Variants in REL observed in about 807,000 individuals in gnomAD.
REL encodes proto-oncogene c-Rel.
A neutral mutation model predicts 45.9 loss-of-function variants in REL; 15 were observed. The ratio of observed to expected loss-of-function variants is 0.33; its 90% CI spans 0.22 to 0.50. The LOEUF is 0.50. Among genes scored for constraint, REL ranks in the 20% least tolerant of loss-of-function variants. The pLI is 0.98. For synonymous variants in REL, 239 were observed against 242.1 expected (o/e 0.99, Z 0.12); for missense variants, 601 against 715.2 (o/e 0.84, Z 1.82).
At chr2:60,917,716 ACGTG>A (rs1558817102) in intron 5 of REL, among the ~76,000 whole-genome samples, 21 of 91,060 alleles carry the variant, frequency 2.3e-4, no homozygotes, top group African/African-American at 7.1e-4. Context: ...GTGTGTGTGT[ACGTG>A]TGTGTGTGTG....
intron 1 of REL, among the ~76,000 whole-genome samples, chr2:60,884,815 T>C (rs1411948577): frequency 6.6e-6 from 1 of 152,198 alleles, no homozygotes; most frequent in Non-Finnish European, 1.5e-5. Flanking sequence ...ACCTCACTTC[T>C]TACCAACTAT....
intron 1 of REL, among the ~76,000 whole-genome samples, chr2:60,891,327 G>C (rs1436047631): frequency 6.6e-6 from 1 of 152,018 alleles, no homozygotes; most frequent in African/African-American, 2.4e-5. Context: ...TACCCTTCTT[G>C]GGGAATCTTG....
At chr2:60,905,598 G>T (rs1319308824) in intron 4 of REL, among the ~76,000 whole-genome samples, 1 of 152,144 alleles carries the variant, frequency 6.6e-6, no homozygotes, top group Non-Finnish European at 1.5e-5. Context: ...ACCAAAGTGT[G>T]TTAGCAGCCA....
Position 60,925,380 on chromosome 2 carries a change from C to T in REL, c.*2845C>T, listed in dbSNP as rs536195083. On this transcript the variant is annotated 3_prime_UTR_variant, in exon 10 of 10. Transcript: ENST00000394479. ...AGTGAGACTTGGGCTCAGGATGGTT[C>T]AGGAAGAAAAAAAAAGAAAGACCCC... 1.1e-5 allele frequency: 2 copies of T among 189,190 alleles called. No individual in the cohort carries two copies. Among genetic ancestry groups the T allele is most frequent in the East Asian group, 1.7e-4 (2 of 12,100 alleles). The allele number at this position is 189,190 out of a possible 1,614,324, so 11.7% of individuals were successfully genotyped here.
intron 3 of REL, among the ~76,000 whole-genome samples, chr2:60,896,112 C>A (rs1188542501): frequency 6.6e-6 from 1 of 151,890 alleles, no homozygotes; most frequent in Non-Finnish European, 1.5e-5. Flanking sequence ...AAGTGATTCT[C>A]CTGCCTCAGC....
rs765273895 is a variant in REL, at chr2:60,921,961, G to C, written c.1190G>C (p.Ser397Thr). ...TPRSGNTNPL[S>T]SFSTRTLPSN... ...CGCTCAGGCAATACAAACCCACTGA[G>C]TAGTTTTTCAACAAGGACACTTCCT... The change falls in exon 10 of 10, where the codon AGT becomes ACT. Residue 397 changes from serine to threonine, a missense_variant. This residue lies in a region of REL where 334 missense variants were observed against 333.1 expected (regional missense o/e 1.00). Transcript: ENST00000394479. The C allele has an allele frequency of 6.2e-7, 1 of 1,614,126 alleles. No individual in the cohort carries two copies. The highest frequency in any genetic ancestry group is 8.5e-7 in the Non-Finnish European group (1 of 1,180,034).
chr2:60,912,435 T>TA (rs1438344942), intron 4 of REL, among the ~76,000 whole-genome samples: 1 of 152,196 alleles, frequency 6.6e-6, no homozygotes, highest in African/African-American at 2.4e-5. Flanking sequence ...TAGCCTATGG[T>TA]AAAATTGGTT....
Position 60,922,899 on chromosome 2 carries a change from C to CCGGG in REL, c.*364_*365insCGGG. 1 of 194,886 alleles carries CCGGG rather than the reference C, an allele frequency of 5.1e-6. No homozygotes were observed. Among genetic ancestry groups the CCGGG allele is most frequent in the Non-Finnish European group, 9.8e-6 (1 of 101,996 alleles). The allele number at this position is 194,886 out of a possible 1,614,324, so 12.1% of individuals were successfully genotyped here. ...TCTCTACTAAAAATACAAAAATTAG[C>CCGGG]TGAGCATGGTGGTACGTGCCTGTAC... On this transcript the variant is annotated 3_prime_UTR_variant, in exon 10 of 10. Transcript: ENST00000394479.
intron 4 of REL, among the ~76,000 whole-genome samples, chr2:60,909,037 C>G (rs910024037): frequency 6.6e-6 from 1 of 152,144 alleles, no homozygotes; most frequent in Non-Finnish European, 1.5e-5. Flanking sequence ...GTTTTCGAAG[C>G]CTTTTTTTCA....
At chr2:60,887,360 A>G (rs534602559) in intron 1 of REL, among the ~76,000 whole-genome samples, 22 of 152,248 alleles carry the variant, frequency 1.4e-4, no homozygotes, top group Non-Finnish European at 2.9e-4. Flanking sequence ...AAAAAATCTG[A>G]CTAATCACTT....
At position 60,921,502 on chromosome 2, in the gene REL, T is replaced by A. The variant is rs372398043; in HGVS notation, c.992-261T>A. Among the ~76,000 whole-genome samples, 37 of 152,290 alleles carry A rather than the reference T, an allele frequency of 2.4e-4. 2 individuals are homozygous for A. Among genetic ancestry groups the A allele is most frequent in the Admixed American group, 1.5e-3 (23 of 15,298 alleles). ...CAGAAACTAGATTTTCATATTTAAT[T>A]GAAGTGAAATTACATATGCCAAAGT... is the stretch of plus-strand genomic sequence containing the variant. On this transcript the variant is annotated intron_variant, in intron 9 of 9. Transcript: ENST00000394479.
intron 1 of REL, among the ~76,000 whole-genome samples, chr2:60,886,434 G>GT (rs1033274943): frequency 2.6e-5 from 4 of 152,026 alleles, no homozygotes; most frequent in Admixed American, 6.5e-5. Context: ...TTTTATGCTT[G>GT]TTTTTTAAAT....
rs1211697703 is a variant in REL at position 60,894,483 on chromosome 2, T to C, written c.240T>C (p.Val80=). ...DPYKPHPHDL[V]GKDCRDGYYE... is the part of the protein sequence containing the mutation. ...ATAAACCTCATCCTCATGATTTAGTTGGAAAAGACTGCAGAGACGGCTACT... is the reference window on the plus strand; with the variant it reads ...ATAAACCTCATCCTCATGATTTAGTCGGAAAAGACTGCAGAGACGGCTACT... Residue 80 remains valine (V), a synonymous_variant, in exon 3 of 10, where the codon GTT becomes GTC. Coordinates refer to ENST00000394479, the MANE Select transcript of REL (RefSeq NM_001291746.2). 1 of 1,609,720 alleles carries C rather than the reference T, an allele frequency of 6.2e-7. No homozygotes were observed. The highest frequency in any genetic ancestry group is 8.5e-7 in the Non-Finnish European group (1 of 1,177,946).
chr2:60,925,233 G>A lies in REL; in HGVS notation c.*2698G>A, dbSNP rs903620416. The A allele has an allele frequency of 5.1e-6, 1 of 195,874 alleles. No homozygotes were observed. The highest frequency in any genetic ancestry group is 7.9e-5 in the East Asian group (1 of 12,714). 12.1% of individuals were successfully genotyped at this position (195,874 alleles called of 1,614,324 possible). A position where few individuals can be genotyped will look rare whatever the true frequency, so the allele number is the denominator to read the frequency against. On this transcript the variant is annotated 3_prime_UTR_variant, in exon 10 of 10. Transcript: ENST00000394479. ...AAACAGTCTGTCATTTTACTTACACGATGTCTAACCAAACCATAACTTTAC... is the reference window on the plus strand; with the variant it reads ...AAACAGTCTGTCATTTTACTTACACAATGTCTAACCAAACCATAACTTTAC...
rs896022178 is a variant in REL at position 60,926,584 on chromosome 2, C to G, written c.*4049C>G. 4 of 231,376 alleles carry G rather than the reference C, an allele frequency of 1.7e-5. No homozygotes were observed. Among genetic ancestry groups the G allele is most frequent in the Non-Finnish European group, 2.6e-5 (3 of 116,798 alleles). 14.3% of individuals were successfully genotyped at this position (231,376 alleles called of 1,614,324 possible). ...CCTCCCCTCAGTTGGTGCTATTTCC[C>G]CCTACCCGCCCTCCGATGATCTTAT... On this transcript the variant is annotated 3_prime_UTR_variant, in exon 10 of 10. Transcript: ENST00000394479.
intron 2 of REL, 146 bp from the exon 3 acceptor site, chr2:60,894,251 C>T: frequency 2.2e-6 from 1 of 446,114 alleles, no homozygotes; most frequent in Non-Finnish European, 3.9e-6. Context: ...TGGAAAGTTT[C>T]ATCTAAACTG....
rs1266864598 is a variant in REL at position 60,925,434 on chromosome 2, A to T, written c.*2899A>T. 1 of 186,412 alleles carries T rather than the reference A, an allele frequency of 5.4e-6. No homozygotes were observed. The highest frequency in any genetic ancestry group is 6.2e-5 in the Admixed American group (1 of 16,102). The allele number at this position is 186,412 out of a possible 1,614,324, so 11.5% of individuals were successfully genotyped here. A position where few individuals can be genotyped will look rare whatever the true frequency, so the allele number is the denominator to read the frequency against. On this transcript the variant is annotated 3_prime_UTR_variant, in exon 10 of 10. Transcript: ENST00000394479. ...GTACCATTAATATTCCTCAGAAATT[A>T]TTATTTCAAAAGGAAATATTTCTGT... is the stretch of plus-strand genomic sequence containing the variant.
chr2:60,908,270 T>C (rs549447259), intron 4 of REL, among the ~76,000 whole-genome samples: 43 of 152,336 alleles, frequency 2.8e-4, no homozygotes, highest in Non-Finnish European at 5.6e-4. Flanking sequence ...TTTACTGTTA[T>C]CTCTATCTTC....
chr2:60,900,964 G>T, intron 3 of REL, 28 bp from the exon 4 acceptor site: 1 of 1,572,656 alleles, frequency 6.4e-7, no homozygotes, highest in Non-Finnish European at 8.7e-7. Context: ...TTATAATGCA[G>T]TTTTGAATAT....
Sources: gnomAD v4.1 joint callset for allele counts (sites outside exome capture counted in the v4.1 genomes callset) on GRCh38, gnomAD v4.1.1 for gene constraint, gnomAD v4.1.1 regional missense constraint, MANE v1.5 for transcripts, NCBI Gene and HGNC (gene_info 2026-07-23, HGNC 2026-07-21) for gene names.